The following PLEKHA8 variants were observed in gnomAD, a reference collection of about 807,000 sequenced individuals.
PLEKHA8 encodes pleckstrin homology domain-containing family A member 8.
In PLEKHA8, 36 loss-of-function variants were observed where a neutral mutation model predicts 68.2. That is an observed-to-expected ratio of 0.53 (90% CI 0.40 to 0.70). The LOEUF is 0.70. Among genes scored for constraint, PLEKHA8 ranks in the 30% least tolerant of loss-of-function variants. The pLI, the probability that PLEKHA8 is intolerant of heterozygous loss-of-function variation, is 0.00. For synonymous variants in PLEKHA8, 211 were observed against 216.1 expected, an observed-to-expected ratio of 0.98 and a Z score of 0.20; for missense variants, 505 against 615.4, an observed-to-expected ratio of 0.82 and a Z score of 1.90.
At chr7:30,033,721 G>A (rs1478013548) in intron 1 of PLEKHA8, among the ~76,000 whole-genome samples, 1 of 152,092 alleles carries the variant, frequency 6.6e-6, no homozygotes, top group Non-Finnish European at 1.5e-5. Flanking sequence ...TAATTTGAGA[G>A]ACTACCAAAT....
At chr7:30,125,991 T>G (rs1190359390) in intron 13 of PLEKHA8, among the ~76,000 whole-genome samples, 2 of 152,212 alleles carry the variant, frequency 1.3e-5, no homozygotes, top group Non-Finnish European at 2.9e-5. Flanking sequence ...ACTGGTTGCA[T>G]TATAATTATG....
chr7:30,060,403 A>T (rs917972064), intron 9 of PLEKHA8, among the ~76,000 whole-genome samples: 1 of 152,004 alleles, frequency 6.6e-6, no homozygotes, highest in Non-Finnish European at 1.5e-5. Flanking sequence ...ATGCTACTCC[A>T]CTCCAGCCTG....
intron 13 of PLEKHA8, 128 bp downstream of exon 13, chr7:30,074,260 G>A: frequency 1.5e-6 from 1 of 672,148 alleles, no homozygotes; most frequent in Non-Finnish European, 2.5e-6. Flanking sequence ...GTGTGTGTGT[G>A]TGTGTGTGTG....
At position 30,079,393 on chromosome 7, in the gene PLEKHA8, T is replaced by C. The variant is rs1395821710; in HGVS notation, c.*606T>C. The C allele has an allele frequency of 6.1e-6, 6 of 985,936 alleles. No individual in the cohort carries two copies. The highest frequency in any genetic ancestry group is 7.2e-6 in the Non-Finnish European group (6 of 830,350). The allele number at this position is 985,936 out of a possible 1,614,324, so 61.1% of individuals were successfully genotyped here. On this transcript the variant is annotated 3_prime_UTR_variant, in exon 14 of 14. Transcript: ENST00000449726. ...ACGTGGACAGGAGTCCCATCCTTGC[T>C]GACAGGCATGAAACCGTTGCTCTGA...
chr7:30,046,125 A>C, intron 2 of PLEKHA8, 85 bp from the exon 3 acceptor site: 2 of 1,300,010 alleles, frequency 1.5e-6, no homozygotes, highest in Non-Finnish European at 2.1e-6. Flanking sequence ...GACTGCCATC[A>C]ATTAAGCTCA....
At chr7:30,126,477 T>G (rs1278509370) in intron 13 of PLEKHA8, among the ~76,000 whole-genome samples, 2 of 152,244 alleles carry the variant, frequency 1.3e-5, no homozygotes. Flanking sequence ...TTATTGTGTT[T>G]TTTAAAATAA....
rs577290743 is a variant in PLEKHA8, at chr7:30,083,808, G to T, written c.*5021G>T. 16 of 985,274 alleles carry T rather than the reference G, an allele frequency of 1.6e-5. No homozygotes were observed. The highest frequency in any genetic ancestry group is 1.8e-5 in the Non-Finnish European group (15 of 829,898). The allele number at this position is 985,274 out of a possible 1,614,324, so 61.0% of individuals were successfully genotyped here. ...AGTTCATATATTTAAAGTGTGGTCA[G>T]TATTTCCTCCCTGTACCTTACAAAC... On this transcript the variant is annotated 3_prime_UTR_variant, in exon 14 of 14. Transcript: ENST00000449726.
intron 13 of PLEKHA8, among the ~76,000 whole-genome samples, chr7:30,120,002 TATTA>T (rs1209828193): frequency 6.6e-6 from 1 of 152,162 alleles, no homozygotes; most frequent in Admixed American, 6.5e-5. Flanking sequence ...GCTCTGAGAA[TATTA>T]AACCTCTAAG....
chr7:30,050,240 A>C (rs192253454), intron 5 of PLEKHA8, among the ~76,000 whole-genome samples, 194 bp from the exon 6 acceptor site: 2 of 152,332 alleles, frequency 1.3e-5, no homozygotes, highest in African/African-American at 4.8e-5. Context: ...TAAGGAATAC[A>C]TTTGTATAAA....
chr7:30,034,372 C>T (rs1311529080), intron 1 of PLEKHA8, among the ~76,000 whole-genome samples: 1 of 152,076 alleles, frequency 6.6e-6, no homozygotes, highest in Non-Finnish European at 1.5e-5. Context: ...ACAGTTGACC[C>T]ATGAATAATG....
chr7:30,113,368 TCCCTCTA>T (rs1314961547), intron 13 of PLEKHA8, among the ~76,000 whole-genome samples: 1 of 152,244 alleles, frequency 6.6e-6, no homozygotes, highest in Non-Finnish European at 1.5e-5. Flanking sequence ...TCAGTTATTT[TCCCTCTA>T]TATTTTGAAG....
chr7:30,042,268 A>C (rs1347932381), intron 1 of PLEKHA8, among the ~76,000 whole-genome samples: 2 of 152,176 alleles, frequency 1.3e-5, no homozygotes, highest in African/African-American at 2.4e-5. Flanking sequence ...CACATGAGCT[A>C]GTTACTTAAA....
chr7:30,080,625 A>T lies in PLEKHA8; in HGVS notation c.*1838A>T. The T allele has an allele frequency of 4.1e-6, 4 of 985,352 alleles. No homozygotes were observed. The South Asian group carries it at 1.9e-4, about 46-fold the overall frequency. 61.0% of individuals were successfully genotyped at this position (985,352 alleles called of 1,614,324 possible). On this transcript the variant is annotated 3_prime_UTR_variant, in exon 14 of 14. Coordinates refer to ENST00000449726, the MANE Select transcript of PLEKHA8 (RefSeq NM_001197026.2). ...CATAAAGACTTCTGGAAAATACTTA[A>T]ACTTGAAAAATCAACATCACATGTT...
In PLEKHA8 at chr7:30,079,999, GC is replaced by G. The variant is rs1280432246; in HGVS notation, c.*1214del. Reference sequence around the variant, plus strand: ...TTCATTCAGCAGCATTCTTAATTGAGCCAGCATTGACACCCAGCCAGCAGGC... The same window carrying G: ...TTCATTCAGCAGCATTCTTAATTGAGCAGCATTGACACCCAGCCAGCAGGC... On this transcript the variant is annotated 3_prime_UTR_variant, in exon 14 of 14. Transcript: ENST00000449726. The G allele has an allele frequency of 8.1e-6, 8 of 984,716 alleles. No individual in the cohort carries two copies. The highest frequency in any genetic ancestry group is 5.2e-4 in the Middle Eastern group (1 of 1,934). 61.0% of individuals were successfully genotyped at this position (984,716 alleles called of 1,614,324 possible). A position where few individuals can be genotyped will look rare whatever the true frequency, so the allele number is the denominator to read the frequency against.
At chr7:30,085,634 G>A (rs766297940), downstream of PLEKHA8, among the ~76,000 whole-genome samples, 5 of 152,218 alleles carry the variant, frequency 3.3e-5, no homozygotes, top group South Asian at 2.1e-4. Context: ...GTCCACCCAC[G>A]TCTCAGGGAA....
At chr7:30,052,939 A>G in intron 7 of PLEKHA8, 73 bp downstream of exon 7, 2 of 1,267,974 alleles carry the variant, frequency 1.6e-6, no homozygotes, top group South Asian at 1.4e-5. Flanking sequence ...ATGAATATCC[A>G]TGATAGGGAT....
At chr7:30,121,735 T>A (rs1796700979) in intron 13 of PLEKHA8, among the ~76,000 whole-genome samples, 1 of 152,222 alleles carries the variant, frequency 6.6e-6, no homozygotes, top group Non-Finnish European at 1.5e-5. Flanking sequence ...AGAGGCACAT[T>A]TTGGAGATGA....
intron 13 of PLEKHA8, chr7:30,115,977 CATGCATGT>C (rs1343678240): frequency 7.3e-6 from 1 of 136,598 alleles, no homozygotes; most frequent in South Asian, 2.2e-4. Flanking sequence ...CATGTGCATG[CATGCATGT>C]ATGCATACGC....
downstream of PLEKHA8, among the ~76,000 whole-genome samples, chr7:30,093,354 A>G (rs148723246): frequency 9.2e-4 from 140 of 152,348 alleles, 1 homozygote; most frequent in African/African-American, 2.9e-3. Flanking sequence ...CCCCATTTAT[A>G]GGTGAGAAGA....
Sources: allele counts gnomAD v4.1 joint callset (sites outside exome capture counted in the v4.1 genomes callset), GRCh38; gene constraint gnomAD v4.1.1; transcripts MANE v1.5; gene names NCBI Gene and HGNC (gene_info 2026-07-23, HGNC 2026-07-21).